The following NAALAD2 variants were observed in gnomAD, a reference collection of about 807,000 sequenced individuals.
NAALAD2 encodes the protein N-acetylated alpha-linked acidic dipeptidase 2.
A neutral mutation model predicts 95.6 loss-of-function variants in NAALAD2; 89 were observed. That is an observed-to-expected ratio of 0.93 (90% confidence interval 0.78 to 1.11). The LOEUF (loss-of-function observed/expected upper bound fraction) is 1.11. Among genes scored for constraint, NAALAD2 ranks in the 50% least tolerant of loss-of-function variants. NAALAD2 has a pLI of 0.00. For synonymous variants in NAALAD2, 264 were observed against 294.4 expected (o/e 0.90, Z 1.06); for missense variants, 894 against 872.4 (o/e 1.02, Z -0.31).
At chr11:90,182,718 C>G (rs1267166267) in intron 17 of NAALAD2, among the ~76,000 whole-genome samples, 198 bp from the exon 18 acceptor site, 2 of 152,128 alleles carry the variant, frequency 1.3e-5, no homozygotes, top group Admixed American at 6.5e-5. Context: ...ATAGGTCTCT[C>G]TGCTGACTGT....
chr11:90,158,081 A>G (rs1468043961), intron 6 of NAALAD2, 64 bp from the exon 7 acceptor site: 8 of 1,217,574 alleles, frequency 6.6e-6, no homozygotes, highest in Non-Finnish European at 9.5e-6. Flanking sequence ...TATGCAAAAA[A>G]TCCCTGTATA....
intron 10 of NAALAD2, 23 bp from the exon 11 acceptor site, chr11:90,163,512 A>T (rs1952354412): frequency 1.2e-6 from 2 of 1,613,478 alleles, no homozygotes; most frequent in Non-Finnish European, 1.7e-6. Flanking sequence ...GTACCTAACC[A>T]CGTGTGTTAA....
chr11:90,133,504 A>G (rs1363538166), upstream of NAALAD2, among the ~76,000 whole-genome samples: 1 of 152,056 alleles, frequency 6.6e-6, no homozygotes, highest in Non-Finnish European at 1.5e-5. Context: ...ATTAGAAAAA[A>G]AAAAGGCTTA....
chr11:90,179,829 C>T (rs1591022660), intron 16 of NAALAD2, among the ~76,000 whole-genome samples: 1 of 152,098 alleles, frequency 6.6e-6, no homozygotes, highest in Non-Finnish European at 1.5e-5. Flanking sequence ...CTTCTACCTA[C>T]TTACCTTCTT....
chr11:90,179,485 C>A (rs1022728003), intron 16 of NAALAD2, among the ~76,000 whole-genome samples: 4 of 151,710 alleles, frequency 2.6e-5, no homozygotes, highest in Non-Finnish European at 5.9e-5. Flanking sequence ...GATTAGTAAT[C>A]TTTATATAAT....
At chr11:90,132,508 C>T (rs1432067857), upstream of NAALAD2, among the ~76,000 whole-genome samples, 1 of 152,038 alleles carries the variant, frequency 6.6e-6, no homozygotes, top group Non-Finnish European at 1.5e-5. Flanking sequence ...AGCCAAGAGT[C>T]TAAAAATTGA....
intron 14 of NAALAD2, 106 bp from the exon 15 acceptor site, chr11:90,175,866 T>A: frequency 1.7e-6 from 1 of 587,110 alleles, no homozygotes; most frequent in Non-Finnish European, 3.0e-6. Context: ...ATATAATTCC[T>A]TGCTATTCTT....
chr11:90,150,655 T>C, intron 5 of NAALAD2, 48 bp downstream of exon 5: 1 of 1,378,350 alleles, frequency 7.3e-7, no homozygotes, highest in Non-Finnish European at 9.6e-7. Context: ...ATATATATAT[T>C]CTGTAAATGT....
chr11:90,150,771 C>G (rs1258826238), intron 5 of NAALAD2, among the ~76,000 whole-genome samples, 164 bp downstream of exon 5: 1 of 149,856 alleles, frequency 6.7e-6, no homozygotes, highest in African/African-American at 2.5e-5. Context: ...TTTATGTTTT[C>G]TTACATACCT....
At position 90,153,151 on chromosome 11, in the gene NAALAD2, C is replaced by G. The variant is rs116815155; in HGVS notation, c.796+667C>G. 8.7e-3 allele frequency among the ~76,000 whole-genome samples: 1,319 copies of G among 152,158 alleles called. 24 individuals are homozygous for G. The highest frequency in any genetic ancestry group is 0.03 in the African/African-American group (1,258 of 41,514). On this transcript the variant is annotated intron_variant, in intron 6 of 18. Coordinates refer to ENST00000534061, the MANE Select transcript of NAALAD2 (RefSeq NM_005467.4). The stretch of plus-strand genomic sequence containing the variant: ...TTTCTTTCTTTTGCTGAGTAGTATT[C>G]CCTTGAATGGCTATAGCACAGTTTA...
At chr11:90,167,430 CGCCGCG>C (rs1555122788) in intron 11 of NAALAD2, among the ~76,000 whole-genome samples, 1 of 152,162 alleles carries the variant, frequency 6.6e-6, no homozygotes, top group Non-Finnish European at 1.5e-5. Context: ...CCTGCGCCCC[CGCCGCG>C]GCCGCTGCAC....
chr11:90,140,342 C>T (rs965920302), intron 2 of NAALAD2, among the ~76,000 whole-genome samples: 4 of 151,920 alleles, frequency 2.6e-5, no homozygotes, highest in African/African-American at 9.7e-5. Flanking sequence ...TAACTGTATG[C>T]CTACGTTTTG....
chr11:90,178,182 T>C, intron 16 of NAALAD2, 65 bp downstream of exon 16: 2 of 1,454,776 alleles, frequency 1.4e-6, no homozygotes, highest in Non-Finnish European at 1.9e-6. Flanking sequence ...TTATCTCCTA[T>C]GATGATCAAT....
intron 4 of NAALAD2, among the ~76,000 whole-genome samples, chr11:90,149,880 C>A (rs1340592732): frequency 1.3e-5 from 2 of 152,120 alleles, no homozygotes; most frequent in East Asian, 3.9e-4. Flanking sequence ...TAGTTAGGAT[C>A]TTTAAAATGA....
intron 2 of NAALAD2, among the ~76,000 whole-genome samples, chr11:90,143,023 G>A (rs1951660385): frequency 6.6e-6 from 1 of 151,930 alleles, no homozygotes; most frequent in Non-Finnish European, 1.5e-5. Flanking sequence ...CCTTTATAAA[G>A]TAGCTGTCAT....
At chr11:90,177,412 G>A (rs1235729755) in intron 15 of NAALAD2, among the ~76,000 whole-genome samples, 1 of 151,022 alleles carries the variant, frequency 6.6e-6, no homozygotes, top group Admixed American at 6.6e-5. Context: ...GAAGATACAA[G>A]GAGAAAATGT....
chr11:90,177,583 C>CTTT (rs1565543926), intron 15 of NAALAD2, among the ~76,000 whole-genome samples: 1 of 19,408 alleles, frequency 5.2e-5, no homozygotes, highest in East Asian at 1.3e-3. Context: ...TTTTCTTTTT[C>CTTT]TTGTTTTTTT....
At chr11:90,145,149 G>T (rs1423079220) in intron 2 of NAALAD2, among the ~76,000 whole-genome samples, 2 of 152,102 alleles carry the variant, frequency 1.3e-5, no homozygotes, top group East Asian at 3.9e-4. Flanking sequence ...AGATCTTCTA[G>T]AAAAATGTTC....
At chr11:90,147,765 G>T (rs1293935923) in intron 3 of NAALAD2, among the ~76,000 whole-genome samples, 3 of 152,148 alleles carry the variant, frequency 2.0e-5, no homozygotes, top group African/African-American at 7.2e-5. Context: ...TGAAGATTAT[G>T]ATTAGAATTC....
Sources: allele counts gnomAD v4.1 joint callset (sites outside exome capture counted in the v4.1 genomes callset), GRCh38; gene constraint gnomAD v4.1.1; transcripts MANE v1.5; gene names NCBI Gene and HGNC (gene_info 2026-07-23, HGNC 2026-07-21).